TLL2: variants seen among roughly 807,000 people sequenced by gnomAD.
TLL2 encodes tolloid-like protein 2.
TLL2 carries 106 observed loss-of-function variants against 123.0 expected under a neutral mutation model. The observed-to-expected ratio is 0.86, with a 90% CI of 0.74 to 1.01. TLL2 has a LOEUF of 1.01. Ranked by LOEUF, TLL2 falls within the 50% of genes least tolerant of loss-of-function variation. The probability of loss-of-function intolerance (pLI) is 0.00; values close to 1 mark genes in which losing one functional copy is unlikely to be tolerated. For synonymous variants in TLL2, 494 were observed against 516.8 expected (o/e 0.96, Z 0.60); for missense variants, 1,332 against 1,336.7 (o/e 1.00, Z 0.06).
chr10:96,411,687 T>C (rs929432981), intron 8 of TLL2, among the ~76,000 whole-genome samples: 4 of 152,246 alleles, frequency 2.6e-5, no homozygotes, highest in African/African-American at 9.6e-5. Flanking sequence ...CCCTAACATG[T>C]GGAGATCCAG....
In TLL2 at chr10:96,373,682, G is replaced by A. The variant is rs186004686; in HGVS notation, c.2576C>T (p.Thr859Met). 26 of 1,614,252 alleles carry A rather than the reference G, an allele frequency of 1.6e-5. No homozygotes were observed. The Admixed American group carries it at 2.2e-4, about 13-fold the overall frequency. ...RFCGSKKPDP[T>M]VASGSSMFLR... ...AAACATACTGCTGCCGGAAGCCACC[G>A]TGGGGTCTGGTTTCTTGCTGCCGCA... The change falls in exon 19 of 21, where the codon ACG (threonine) becomes ATG (methionine). Residue 859 changes from threonine to methionine, a missense_variant. Thr to Met is a moderately conservative substitution (Grantham distance 81, BLOSUM62 -1). Transcript: ENST00000357947.
intron 2 of TLL2, among the ~76,000 whole-genome samples, chr10:96,451,112 G>T (rs1294286059): frequency 6.6e-6 from 1 of 152,190 alleles, no homozygotes; most frequent in Non-Finnish European, 1.5e-5. Context: ...GGGCCCGGCT[G>T]AAATGTTTCT....
intron 18 of TLL2, among the ~76,000 whole-genome samples, chr10:96,375,763 C>T (rs1042741772): frequency 6.6e-6 from 1 of 152,322 alleles, no homozygotes; most frequent in Middle Eastern, 3.4e-3. Flanking sequence ...CAAGTCCCTG[C>T]GCCATAGTCC....
intron 16 of TLL2, among the ~76,000 whole-genome samples, chr10:96,383,039 T>C (rs1376312377): frequency 7.5e-6 from 1 of 133,496 alleles, no homozygotes; most frequent in East Asian, 2.2e-4. Flanking sequence ...CAGAATGGGA[T>C]GGGGGTTTAG....
intron 10 of TLL2, among the ~76,000 whole-genome samples, chr10:96,404,578 T>C (rs911965839): frequency 1.3e-5 from 2 of 152,192 alleles, no homozygotes; most frequent in African/African-American, 2.4e-5. Context: ...TTAAGTCATT[T>C]TGGTTTGAAT....
At chr10:96,379,954 C>T (rs909935873) in intron 16 of TLL2, among the ~76,000 whole-genome samples, 2 of 152,248 alleles carry the variant, frequency 1.3e-5, no homozygotes, top group Admixed American at 6.5e-5. Flanking sequence ...GCCCTCTGCA[C>T]GTGGAGCAGC....
chr10:96,403,617 C>T (rs1846417813), intron 10 of TLL2, among the ~76,000 whole-genome samples: 1 of 152,166 alleles, frequency 6.6e-6, no homozygotes, highest in Non-Finnish European at 1.5e-5. Context: ...GGTATTGTCT[C>T]CCCATGTGAT....
At chr10:96,470,275 A>G (rs754086279) in intron 2 of TLL2, among the ~76,000 whole-genome samples, 1 of 152,186 alleles carries the variant, frequency 6.6e-6, no homozygotes, top group Non-Finnish European at 1.5e-5. Context: ...GAGGCATCAC[A>G]CATTCAAACA....
chr10:96,513,228 C>G (rs1847648948), intron 1 of TLL2, among the ~76,000 whole-genome samples: 2 of 152,014 alleles, frequency 1.3e-5, no homozygotes, highest in African/African-American at 4.8e-5. Flanking sequence ...GCACCCACCC[C>G]GGCCCCTGGG....
chr10:96,370,309 C>T lies in TLL2; in HGVS notation c.2669G>A (p.Gly890Glu). The T allele has an allele frequency of 4.4e-6, 7 of 1,576,184 alleles. No homozygotes were observed. The highest frequency in any genetic ancestry group is 5.2e-6 in the Non-Finnish European group (6 of 1,159,250). The change falls in exon 20 of 21, where the codon GGG becomes GAG. Residue 890 changes from glycine (G) to glutamate (E), a missense_variant. Transcript: ENST00000357947. ...CTGCACTTCAGCCTTCAGCCTGCCC[C>T]CGCACTCTGGAGCAGAGAGAAGTGA... ...GFQAVHSTEC[G>E]GRLKAEVQTK... is the part of the protein sequence containing the mutation.
chr10:96,369,503 G>A (rs1296972556), intron 20 of TLL2, among the ~76,000 whole-genome samples: 1 of 152,196 alleles, frequency 6.6e-6, no homozygotes, highest in African/African-American at 2.4e-5. Flanking sequence ...GCTCACGCCT[G>A]TAGTCCCAGC....
chr10:96,468,936 T>G (rs1646175083), intron 2 of TLL2, among the ~76,000 whole-genome samples: 1 of 152,258 alleles, frequency 6.6e-6, no homozygotes, highest in Admixed American at 6.5e-5. Flanking sequence ...GAGGATGAGA[T>G]GATCAACTCC....
At chr10:96,417,494 C>A (rs2134073559) in intron 7 of TLL2, among the ~76,000 whole-genome samples, 1 of 152,322 alleles carries the variant, frequency 6.6e-6, no homozygotes, top group East Asian at 1.9e-4. Context: ...AGCTTCCATA[C>A]CTCCCAGTAA....
At chr10:96,440,050 G>T (rs1252894182) in intron 3 of TLL2, among the ~76,000 whole-genome samples, 1 of 152,190 alleles carries the variant, frequency 6.6e-6, no homozygotes, top group Non-Finnish European at 1.5e-5. Flanking sequence ...CATAGTCAGA[G>T]CACATGTTCT....
chr10:96,370,288 A>ACTTCAGC lies in TLL2; in HGVS notation c.2683_2689dup (p.Val897GlyfsTer2), dbSNP rs751174504. 7.5e-6 allele frequency: 12 copies of ACTTCAGC among 1,596,366 alleles called. No homozygotes were observed. Among genetic ancestry groups the ACTTCAGC allele is most frequent in the Non-Finnish European group, 1.0e-5 (12 of 1,170,212 alleles). On this transcript the variant is annotated stop_gained and frameshift_variant, in exon 20 of 21. Transcript: ENST00000357947. LOFTEE classifies it high-confidence loss of function. ...GTGGGAATAGAGCTCTTTGGTCTGCACTTCAGCCTTCAGCCTGCCCCCGCA... is the reference window on the plus strand; with the variant it reads ...GTGGGAATAGAGCTCTTTGGTCTGCACTTCAGCCTTCAGCCTTCAGCCTGCCCCCGCA...
chr10:96,373,731 G>C lies in TLL2; in HGVS notation c.2527C>G (p.Leu843Val). 1 of 1,614,248 alleles carries C rather than the reference G, an allele frequency of 6.2e-7. No individual in the cohort carries two copies. The highest frequency in any genetic ancestry group is 8.5e-7 in the Non-Finnish European group (1 of 1,180,040). The change falls in exon 19 of 21, where the codon CTG becomes GTG. Residue 843 changes from leucine to valine, a missense_variant. Leu to Val is a conservative substitution (Grantham distance 32). Coordinates refer to ENST00000357947, the MANE Select transcript of TLL2 (RefSeq NM_012465.4). Reference protein sequence around the residue: ...HLEMYDGPDSLAPILGRFCGS... With the variant: ...HLEMYDGPDSVAPILGRFCGS... ...CAGAAACGGCCCAGAATGGGGGCCA[G>C]GCTGTCCGGCCCGTCATACATTTCC...
At chr10:96,390,784 G>A (rs996268122) in intron 13 of TLL2, among the ~76,000 whole-genome samples, 1 of 152,240 alleles carries the variant, frequency 6.6e-6, no homozygotes, top group Non-Finnish European at 1.5e-5. Flanking sequence ...GACCTGCGCT[G>A]TCTGATACGG....
chr10:96,386,228 A>G lies in TLL2; in HGVS notation c.1853-13T>C. Reference sequence around the variant, plus strand: ...CCGCCACAGGCCACTGCACGGGGGAAACAGAAACAGGATTCATTTGGCTTT... The same window carrying G: ...CCGCCACAGGCCACTGCACGGGGGAGACAGAAACAGGATTCATTTGGCTTT... On this transcript the variant is annotated splice_polypyrimidine_tract_variant and intron_variant, in intron 14 of 20. Coordinates refer to ENST00000357947, the MANE Select transcript of TLL2 (RefSeq NM_012465.4). The G allele has an allele frequency of 6.5e-7, 1 of 1,549,860 alleles. No homozygotes were observed. The highest frequency in any genetic ancestry group is 8.7e-7 in the Non-Finnish European group (1 of 1,146,584).
intron 9 of TLL2, 69 bp from the exon 10 acceptor site, chr10:96,405,403 A>C: frequency 7.0e-7 from 1 of 1,418,774 alleles, no homozygotes. Context: ...TATATCTTGC[A>C]TACTGGTGTT....
Sources: gnomAD v4.1 joint callset for allele counts (sites outside exome capture counted in the v4.1 genomes callset) on GRCh38, gnomAD v4.1.1 for gene constraint, MANE v1.5 for transcripts, NCBI Gene and HGNC (gene_info 2026-07-23, HGNC 2026-07-21) for gene names.